TYW1B: variants seen among roughly 807,000 people sequenced by gnomAD.
TYW1B encodes tRNA-yW synthesizing protein 1 homolog B, also known as S-adenosyl-L-methionine-dependent tRNA 4-demethylwyosine synthase TYW1B.
In TYW1B, 73 loss-of-function variants were observed where a neutral mutation model predicts 86.9. The ratio of observed to expected loss-of-function variants is 0.84; its 90% CI spans 0.70 to 1.02. The LOEUF (loss-of-function observed/expected upper bound fraction) is 1.02. Ranked by LOEUF, TYW1B falls within the 50% of genes least tolerant of loss-of-function variation. TYW1B has a pLI of 0.00. For synonymous variants in TYW1B, 248 were observed against 292.8 expected, an observed-to-expected ratio of 0.85 and a Z score of 1.56; for missense variants, 637 against 827.4, an observed-to-expected ratio of 0.77 and a Z score of 2.82.
At chr7:72,777,899 G>C (rs1787985561) in intron 6 of TYW1B, among the ~76,000 whole-genome samples, 1 of 152,066 alleles carries the variant, frequency 6.6e-6, no homozygotes, top group Non-Finnish European at 1.5e-5. Context: ...CTGGGCAACA[G>C]AGAAAGACTC....
chr7:72,743,370 TC>T (rs2129571331), intron 8 of TYW1B, among the ~76,000 whole-genome samples: 1 of 152,140 alleles, frequency 6.6e-6, no homozygotes, highest in South Asian at 2.1e-4. Flanking sequence ...AGGAGTGGCG[TC>T]CCCCTTCTTT....
chr7:72,634,998 T>C (rs542494532), intron 11 of TYW1B, among the ~76,000 whole-genome samples: 2 of 152,336 alleles, frequency 1.3e-5, no homozygotes, highest in East Asian at 3.9e-4. Flanking sequence ...TCCACTTTCT[T>C]TCCTTATTAG....
At chr7:72,685,158 C>T (rs1447613547) in intron 11 of TYW1B, among the ~76,000 whole-genome samples, 1 of 148,884 alleles carries the variant, frequency 6.7e-6, no homozygotes, top group East Asian at 2.0e-4. Flanking sequence ...TCATAAAGTA[C>T]TTGTCCTACT....
intron 13 of TYW1B, among the ~76,000 whole-genome samples, chr7:72,604,317 C>T (rs1219293522): frequency 1.3e-5 from 2 of 151,944 alleles, no homozygotes; most frequent in African/African-American, 4.8e-5. Context: ...ACAAAAGTAG[C>T]CGGGCGTGGT....
chr7:72,804,707 G>T (rs1427814847), intron 5 of TYW1B, among the ~76,000 whole-genome samples: 2 of 152,100 alleles, frequency 1.3e-5, no homozygotes, highest in Non-Finnish European at 2.9e-5. Flanking sequence ...GGGCATGATG[G>T]TGCATGCCTG....
At chr7:72,697,981 A>G (rs1243186253) in intron 10 of TYW1B, 1 of 154,090 alleles carries the variant, frequency 6.5e-6, no homozygotes, top group African/African-American at 2.4e-5. Context: ...CTGCAGGAAA[A>G]AAAAGGAGAG....
intron 13 of TYW1B, among the ~76,000 whole-genome samples, chr7:72,606,181 G>A (rs181244587): frequency 1.7e-3 from 250 of 151,476 alleles, no homozygotes; most frequent in Non-Finnish European, 2.6e-3. Flanking sequence ...ACCAATGGCT[G>A]CAGACAACTA....
chr7:72,748,947 G>A (rs1787441963), intron 7 of TYW1B, among the ~76,000 whole-genome samples: 1 of 151,826 alleles, frequency 6.6e-6, no homozygotes. Flanking sequence ...CTCATAAAAT[G>A]AGTTCAGAAA....
intron 11 of TYW1B, among the ~76,000 whole-genome samples, chr7:72,672,640 C>T (rs1452898215): frequency 2.6e-5 from 4 of 152,098 alleles, no homozygotes; most frequent in East Asian, 1.9e-4. Context: ...ATAGAGAAGG[C>T]CAACTTTTCA....
At chr7:72,791,606 T>A (rs1405271508) in intron 6 of TYW1B, among the ~76,000 whole-genome samples, 1 of 151,892 alleles carries the variant, frequency 6.6e-6, no homozygotes, top group Non-Finnish European at 1.5e-5. Flanking sequence ...TGAAACCTCG[T>A]CTCTACTAAA....
chr7:72,730,311 A>G (rs1787080241), intron 8 of TYW1B, among the ~76,000 whole-genome samples: 1 of 151,882 alleles, frequency 6.6e-6, no homozygotes, highest in Non-Finnish European at 1.5e-5. Flanking sequence ...ACAAGAGAAT[A>G]CACATAGACA....
intron 7 of TYW1B, among the ~76,000 whole-genome samples, chr7:72,772,389 T>C (rs1787883209): frequency 6.6e-6 from 1 of 152,182 alleles, no homozygotes; most frequent in Non-Finnish European, 1.5e-5. Context: ...AAAGTAATGA[T>C]ATATTTCAAA....
chr7:72,582,697 G>A (rs1425175124), intron 13 of TYW1B, among the ~76,000 whole-genome samples: 2 of 152,098 alleles, frequency 1.3e-5, no homozygotes, highest in East Asian at 3.9e-4. Flanking sequence ...TCCAAGGTAG[G>A]TGGGTAAGTA....
intron 11 of TYW1B, among the ~76,000 whole-genome samples, chr7:72,652,061 A>G (rs1322369432): frequency 6.6e-6 from 1 of 152,092 alleles, no homozygotes; most frequent in Non-Finnish European, 1.5e-5. Flanking sequence ...TACAGGCAGC[A>G]GCCACCACCT....
At chr7:72,583,834 A>AT (rs1811213285) in intron 13 of TYW1B, among the ~76,000 whole-genome samples, 2 of 152,144 alleles carry the variant, frequency 1.3e-5, no homozygotes, top group African/African-American at 4.8e-5. Context: ...CTATCTTTAG[A>AT]ATGAGAGCAA....
intron 10 of TYW1B, among the ~76,000 whole-genome samples, chr7:72,704,626 G>A (rs1363235637): frequency 6.6e-6 from 1 of 151,780 alleles, no homozygotes; most frequent in Non-Finnish European, 1.5e-5. Flanking sequence ...CAAGTAATGG[G>A]TTTTGCCTTA....
chr7:72,731,661 C>T (rs1347261744), intron 8 of TYW1B, among the ~76,000 whole-genome samples: 2 of 152,112 alleles, frequency 1.3e-5, no homozygotes, highest in Non-Finnish European at 2.9e-5. Flanking sequence ...AAACCAAAAG[C>T]AGCTGGGTGT....
intron 8 of TYW1B, among the ~76,000 whole-genome samples, chr7:72,735,109 T>G (rs1350846055): frequency 6.6e-6 from 1 of 152,052 alleles, no homozygotes; most frequent in Admixed American, 6.6e-5. Context: ...TGAATATACA[T>G]CCAAAGGAAA....
At chr7:72,712,255 TTA>T (rs1786682644) in intron 10 of TYW1B, among the ~76,000 whole-genome samples, 1 of 152,068 alleles carries the variant, frequency 6.6e-6, no homozygotes, top group Non-Finnish European at 1.5e-5. Flanking sequence ...CTCGGTGTAA[TTA>T]CCTAGTCCTC....
Sources: allele counts gnomAD v4.1 joint callset (sites outside exome capture counted in the v4.1 genomes callset), GRCh38; gene constraint gnomAD v4.1.1; transcripts MANE v1.5; gene names NCBI Gene and HGNC (gene_info 2026-07-23, HGNC 2026-07-21).